The following IGF1R variants were observed in gnomAD, a reference collection of about 807,000 sequenced individuals.
The protein encoded by IGF1R is insulin like growth factor 1 receptor, also known as insulin-like growth factor 1 receptor.
IGF1R carries 44 observed loss-of-function variants against 144.6 expected under a neutral mutation model. The ratio of observed to expected loss-of-function variants is 0.30; its 90% CI spans 0.24 to 0.39. The LOEUF is 0.39. Ranked by LOEUF, IGF1R falls within the 10% of genes least tolerant of loss-of-function variation. The pLI is 1.00. For missense variants in IGF1R, 1,355 were observed against 1,833.7 expected (o/e 0.74, Z 4.77); for synonymous variants, 795 against 722.8 (o/e 1.10, Z -1.60).
At chr15:98,760,816 T>C (rs1199168631) in intron 2 of IGF1R, among the ~76,000 whole-genome samples, 1 of 152,254 alleles carries the variant, frequency 6.6e-6, no homozygotes, top group Non-Finnish European at 1.5e-5. Flanking sequence ...AGAAGGCTTA[T>C]GTTTTCTGAT....
At chr15:98,789,105 C>T (rs2056072055) in intron 2 of IGF1R, among the ~76,000 whole-genome samples, 1 of 152,202 alleles carries the variant, frequency 6.6e-6, no homozygotes, top group African/African-American at 2.4e-5. Context: ...TGTTCATTTA[C>T]CTTCTTGTAA....
chr15:98,899,353 C>T, intron 4 of IGF1R, 124 bp from the exon 5 acceptor site: 1 of 935,786 alleles, frequency 1.1e-6, no homozygotes, highest in East Asian at 2.5e-5. Flanking sequence ...GCAGCCAGTC[C>T]TGTGCTGGGA....
intron 2 of IGF1R, among the ~76,000 whole-genome samples, chr15:98,870,211 CTT>C (rs1950013012): frequency 6.6e-6 from 1 of 152,268 alleles, no homozygotes; most frequent in African/African-American, 2.4e-5. Context: ...ATTCAGAACT[CTT>C]TTCATCTCGC....
intron 2 of IGF1R, chr15:98,873,768 A>T (rs2012909021): frequency 6.6e-6 from 1 of 152,224 alleles, no homozygotes; most frequent in Non-Finnish European, 1.5e-5. Flanking sequence ...GCGATTTCTT[A>T]ACCTGCTGCA....
At chr15:98,725,832 A>G (rs902614071) in intron 2 of IGF1R, among the ~76,000 whole-genome samples, 4 of 152,230 alleles carry the variant, frequency 2.6e-5, no homozygotes, top group Admixed American at 6.5e-5. Context: ...GGTGGCAGCA[A>G]GAGAAAATGT....
At chr15:98,946,586 G>A (rs1465438567) in intron 19 of IGF1R, among the ~76,000 whole-genome samples, 2 of 152,156 alleles carry the variant, frequency 1.3e-5, no homozygotes, top group Non-Finnish European at 2.9e-5. Context: ...GTTCGCAGTG[G>A]GACTCCGAGG....
chr15:98,690,368 G>C (rs2053446510), intron 1 of IGF1R, among the ~76,000 whole-genome samples: 1 of 152,108 alleles, frequency 6.6e-6, no homozygotes, highest in South Asian at 2.1e-4. Context: ...ACATGCTTAT[G>C]GTAGGCAATT....
intron 2 of IGF1R, among the ~76,000 whole-genome samples, chr15:98,839,989 C>T (rs1378593682): frequency 6.6e-6 from 1 of 152,206 alleles, no homozygotes; most frequent in Non-Finnish European, 1.5e-5. Flanking sequence ...TGTTATTTAT[C>T]ATGGGATTAC....
At chr15:98,722,489 T>C (rs2054268663) in intron 2 of IGF1R, among the ~76,000 whole-genome samples, 1 of 152,222 alleles carries the variant, frequency 6.6e-6, no homozygotes, top group South Asian at 2.1e-4. Context: ...TTTGTAAAGA[T>C]GAGGTCTGAA....
At chr15:98,761,402 A>G (rs2055292379) in intron 2 of IGF1R, among the ~76,000 whole-genome samples, 1 of 152,246 alleles carries the variant, frequency 6.6e-6, no homozygotes, top group Non-Finnish European at 1.5e-5. Flanking sequence ...GAAGGAAGCG[A>G]GGATGGACAT....
Position 98,911,183 on chromosome 15 carries a change from A to G in IGF1R, c.1463-132A>G, listed in dbSNP as rs1176618736. 7.7e-5 allele frequency: 75 copies of G among 975,022 alleles called. 1 individual carries two copies. The Middle Eastern group carries it at 9.4e-4, about 12-fold the overall frequency. The allele number at this position is 975,022 out of a possible 1,614,324, so 60.4% of individuals were successfully genotyped here. A position where few individuals can be genotyped will look rare whatever the true frequency, so the allele number is the denominator to read the frequency against. On this transcript the variant is annotated intron_variant, in intron 6 of 20. Transcript: ENST00000650285. The stretch of plus-strand genomic sequence containing the variant: ...TTTCTTAGTGGAAAACGAGAAAGCC[A>G]CTGAGGAAGCCCAGAAGGGAACTTA...
At chr15:98,909,860 C>T (rs1428167645) in intron 6 of IGF1R, among the ~76,000 whole-genome samples, 1 of 152,220 alleles carries the variant, frequency 6.6e-6, no homozygotes, top group Non-Finnish European at 1.5e-5. Flanking sequence ...ACAGCAGTGC[C>T]TTTCTCATCT....
At chr15:98,948,357 C>T (rs368138082) in intron 19 of IGF1R, among the ~76,000 whole-genome samples, 5 of 152,306 alleles carry the variant, frequency 3.3e-5, no homozygotes, top group African/African-American at 1.2e-4. Context: ...TTAGCTCCAC[C>T]ACCGGGGCTG....
At chr15:98,924,405 C>G (rs1351155212) in intron 12 of IGF1R, 120 bp from the exon 13 acceptor site, 69 of 911,440 alleles carry the variant, frequency 7.6e-5, no homozygotes, top group Non-Finnish European at 8.5e-5. Context: ...CACTCAGGAT[C>G]ATTGTTAGGT....
At chr15:98,765,763 C>A (rs562957545) in intron 2 of IGF1R, among the ~76,000 whole-genome samples, 20 of 152,238 alleles carry the variant, frequency 1.3e-4, no homozygotes, top group Non-Finnish European at 2.6e-4. Flanking sequence ...TTGCAGTACC[C>A]TAGGGTTGTA....
chr15:98,803,498 T>TTTTTTTTATTTATTTA (rs139683177), intron 2 of IGF1R, among the ~76,000 whole-genome samples: 1 of 144,610 alleles, frequency 6.9e-6, no homozygotes, highest in Non-Finnish European at 1.5e-5. Context: ...GAATATTACA[T>TTTTTTTTATTTATTTA]TTTATTTATT....
chr15:98,897,145 T>A lies in IGF1R; in HGVS notation c.1102+240T>A, dbSNP rs1365877618. The A allele has an allele frequency of 5.6e-6, 3 of 531,396 alleles. No homozygotes were observed. In the Admixed American group the frequency reaches 9.4e-5, roughly 17 times the overall value. The allele number at this position is 531,396 out of a possible 1,614,324, so 32.9% of individuals were successfully genotyped here. A position where few individuals can be genotyped will look rare whatever the true frequency, so the allele number is the denominator to read the frequency against. On this transcript the variant is annotated intron_variant, in intron 4 of 20. Transcript: ENST00000650285. Reference sequence around the variant, plus strand: ...TTATTCCTGTAAAGAGGGTCATCGCTCATCTTTTTGTTAGTCACATCTTGC... The same window carrying A: ...TTATTCCTGTAAAGAGGGTCATCGCACATCTTTTTGTTAGTCACATCTTGC...
At chr15:98,687,356 A>C (rs2053355069) in intron 1 of IGF1R, among the ~76,000 whole-genome samples, 1 of 152,144 alleles carries the variant, frequency 6.6e-6, no homozygotes. Context: ...GGGTGTTTTG[A>C]TGGAAGGAGC....
intron 9 of IGF1R, chr15:98,916,434 G>A (rs2015252463): frequency 7.0e-6 from 4 of 567,550 alleles, no homozygotes; most frequent in Non-Finnish European, 9.4e-6. Flanking sequence ...GCTAATTTTT[G>A]TATTTTTAGT....
Sources: allele counts gnomAD v4.1 joint callset (sites outside exome capture counted in the v4.1 genomes callset), GRCh38; gene constraint gnomAD v4.1.1; transcripts MANE v1.5; gene names NCBI Gene and HGNC (gene_info 2026-07-23, HGNC 2026-07-21).